Variants in GALNT8 observed in about 807,000 individuals in gnomAD.
GALNT8 encodes polypeptide N-acetylgalactosaminyltransferase 8.
Under a neutral mutation model 62.7 loss-of-function variants are expected in GALNT8, and 66 were observed. That is an observed-to-expected ratio of 1.05 (90% CI 0.86 to 1.29). The LOEUF (loss-of-function observed/expected upper bound fraction) is 1.29, where lower values mean the gene tolerates loss of function less well. Among genes scored for constraint, GALNT8 ranks in the 50% most tolerant of loss-of-function variants. GALNT8 has a pLI of 0.00. For missense variants in GALNT8, 771 were observed against 791.8 expected (o/e 0.97, Z 0.32); for synonymous variants, 288 against 294.3 (o/e 0.98, Z 0.22).
In GALNT8 at chr12:4,726,262, TAGTC is replaced by T. The variant is rs934413246; in HGVS notation, c.212-266_212-263del. The stretch of plus-strand genomic sequence containing the variant: ...TATTTTCCATCTGTTTCTCAGATCA[TAGTC>T]AGTTCTTCGAGGAGCTTTGAAGATG... On this transcript the variant is annotated intron_variant, in intron 1 of 10. Transcript: ENST00000252318. This position sits in a 1 kb window ranked among gnomAD's most constrained non-coding sequence, Gnocchi z 4.1. 1.3e-5 allele frequency among the ~76,000 whole-genome samples: 2 copies of T among 152,182 alleles called. No homozygotes were observed. Among genetic ancestry groups the T allele is most frequent in the Non-Finnish European group, 2.9e-5 (2 of 68,016 alleles).
At chr12:4,722,865 A>G (rs1187946969) in intron 1 of GALNT8, among the ~76,000 whole-genome samples, 1 of 152,118 alleles carries the variant, frequency 6.6e-6, no homozygotes, top group Non-Finnish European at 1.5e-5. Flanking sequence ...TCAGGGAAAG[A>G]GCGAGGAGAG....
At chr12:4,765,311 G>A (rs1442918173) in intron 9 of GALNT8, 68 bp from the exon 10 acceptor site, 21 of 1,399,446 alleles carry the variant, frequency 1.5e-5, no homozygotes, top group Admixed American at 2.8e-5. Context: ...CCTCGGGCTA[G>A]GGTCTCCTGC....
chr12:4,744,809 C>CT, intron 4 of GALNT8, 109 bp downstream of exon 4: 1 of 699,468 alleles, frequency 1.4e-6, no homozygotes, highest in Non-Finnish European at 2.3e-6. Context: ...AGCACCAGGC[C>CT]TTAAATAAAG....
At chr12:4,754,799 A>G (rs75630703) in intron 6 of GALNT8, among the ~76,000 whole-genome samples, 20,974 of 151,992 alleles carry the variant, frequency 0.14, 1,757 homozygotes, top group Non-Finnish European at 0.19. Context: ...AGGGCTCTTC[A>G]CCTAGCAGGT....
intron 10 of GALNT8, among the ~76,000 whole-genome samples, chr12:4,766,368 A>G (rs1946400025): frequency 6.6e-6 from 1 of 152,216 alleles, no homozygotes. Context: ...TATCTTCTGT[A>G]TGCGACTTTT....
intron 2 of GALNT8, among the ~76,000 whole-genome samples, chr12:4,734,445 C>T (rs78753668): frequency 0.04 from 6,090 of 152,242 alleles, 238 homozygotes; most frequent in East Asian, 0.2. Flanking sequence ...TTGCTAGAAT[C>T]TGAGAATTTT....
chr12:4,746,133 G>C lies in GALNT8; in HGVS notation c.1059-11G>C. ...TGGAGAGATTAGTGACTCTTGCTGT[G>C]TGCTCTGTAGGAGTCCTTCAATCAT... is the stretch of plus-strand genomic sequence containing the variant. On this transcript the variant is annotated splice_polypyrimidine_tract_variant and intron_variant, in intron 5 of 10. Transcript: ENST00000252318. The C allele has an allele frequency of 6.7e-7, 1 of 1,493,496 alleles. No homozygotes were observed. Among genetic ancestry groups the C allele is most frequent in the Non-Finnish European group, 9.3e-7 (1 of 1,069,910 alleles). 92.5% of individuals were successfully genotyped at this position (1,493,496 alleles called of 1,614,324 possible).
intron 10 of GALNT8, among the ~76,000 whole-genome samples, chr12:4,767,964 T>G (rs183544276): frequency 1.5e-3 from 234 of 152,296 alleles, no homozygotes; most frequent in Admixed American, 5.0e-3. Context: ...GCCTAACAAG[T>G]TTTGACAATC....
intron 2 of GALNT8, among the ~76,000 whole-genome samples, chr12:4,731,756 C>T (rs1239824388): frequency 1.3e-5 from 2 of 152,056 alleles, no homozygotes; most frequent in East Asian, 1.9e-4. Flanking sequence ...AGTTTTTGTC[C>T]TTCATTCTGT....
intron 1 of GALNT8, among the ~76,000 whole-genome samples, chr12:4,725,610 C>T (rs887215836): frequency 1.1e-4 from 15 of 137,718 alleles, no homozygotes; most frequent in Non-Finnish European, 3.0e-5. Context: ...GGCTGGAGTG[C>T]AGTGGCACAA....
intron 7 of GALNT8, among the ~76,000 whole-genome samples, chr12:4,761,710 C>T (rs150052057): frequency 2.6e-5 from 4 of 152,020 alleles, no homozygotes; most frequent in African/African-American, 9.7e-5. Context: ...AAGTGTTAGC[C>T]CCTGCACCCA....
rs762528896 is a variant in GALNT8 at position 4,726,581 on chromosome 12, A to G, written c.261A>G (p.Thr87=). Residue 87 remains threonine, a synonymous_variant, in exon 2 of 11, where the codon ACA becomes ACG. Coordinates refer to ENST00000252318, the MANE Select transcript of GALNT8 (RefSeq NM_017417.2). This position sits in a 1 kb window ranked among gnomAD's most constrained non-coding sequence, Gnocchi z 4.1. ...ALRQQENVNS[T]LKRAKDEVRP... The stretch of plus-strand genomic sequence containing the variant: ...GGCAACAAGAAAATGTGAACAGCAC[A>G]CTGAAGAGGGCGAAAGATGAAGTAC... The G allele has an allele frequency of 1.9e-6, 3 of 1,613,544 alleles. No individual in the cohort carries two copies. The African/African-American group carries it at 4.0e-5, about 22-fold the overall frequency.
rs1591573755 is a variant in GALNT8, at chr12:4,760,967, T to G, written c.1183T>G (p.Cys395Gly). ...TGGTCTTCTTCTGCAGGTGTGGCAG[T>G]GTGGAGGGAAGGTCGAGATTTTGCC... ...NVELSLRVWQ[C>G]GGKVEILPCS... Residue 395 changes from cysteine (C) to glycine (G), a missense_variant, in exon 7 of 11, where the codon TGT becomes GGT. Coordinates refer to ENST00000252318, the MANE Select transcript of GALNT8 (RefSeq NM_017417.2). The G allele has an allele frequency of 1.2e-6, 2 of 1,613,738 alleles. No individual in the cohort carries two copies. Among genetic ancestry groups the G allele is most frequent in the South Asian group, 2.2e-5 (2 of 91,026 alleles).
rs375495880 is a variant in GALNT8 at position 4,744,505 on chromosome 12, C to A, written c.677-12C>A. 5.0e-6 allele frequency: 8 copies of A among 1,588,608 alleles called. No individual in the cohort carries two copies. In the South Asian group the frequency reaches 6.8e-5, roughly 13 times the overall value. On this transcript the variant is annotated splice_polypyrimidine_tract_variant and intron_variant, in intron 3 of 10. Transcript: ENST00000252318. ...CACTCAGAATTTCTATAGGTGTGCACTTGATTGACAGGAGAACTAAAGGTA... is the reference window on the plus strand; with the variant it reads ...CACTCAGAATTTCTATAGGTGTGCAATTGATTGACAGGAGAACTAAAGGTA...
chr12:4,768,510 G>T, intron 10 of GALNT8: 4 of 349,066 alleles, frequency 1.1e-5, no homozygotes, highest in Non-Finnish European at 2.3e-5. Context: ...AGAAAATTTT[G>T]GATGATCGCC....
At position 4,749,645 on chromosome 12, in the gene GALNT8, G is replaced by T. The variant is rs190606292; in HGVS notation, c.1173+3387G>T. On this transcript the variant is annotated intron_variant, in intron 6 of 10. Transcript: ENST00000252318. The surrounding 1 kb of genome is among the most constrained non-coding windows in gnomAD (Gnocchi z 4.1). ...TCTTTTTTTTTTTTAACGTGTCTTT[G>T]TCTTGTTTTGGTAGCAGGGTAATAC... 5.3e-5 allele frequency among the ~76,000 whole-genome samples: 8 copies of T among 150,162 alleles called. No individual in the cohort carries two copies. The highest frequency in any genetic ancestry group is 2.0e-4 in the African/African-American group (8 of 40,934).
At chr12:4,770,298 T>A (rs1591576969) in intron 10 of GALNT8, among the ~76,000 whole-genome samples, 1 of 143,614 alleles carries the variant, frequency 7.0e-6, no homozygotes, top group African/African-American at 2.6e-5. Flanking sequence ...CGAGACTGTG[T>A]CTCAAAAGAA....
At chr12:4,740,478 C>T (rs1451551144) in intron 3 of GALNT8, among the ~76,000 whole-genome samples, 1 of 149,616 alleles carries the variant, frequency 6.7e-6, no homozygotes, top group South Asian at 2.1e-4. Flanking sequence ...GGCTGGAGTG[C>T]AGTGGTGGGA....
At chr12:4,750,114 C>T (rs1278660358) in intron 6 of GALNT8, among the ~76,000 whole-genome samples, 1 of 151,864 alleles carries the variant, frequency 6.6e-6, no homozygotes, top group Non-Finnish European at 1.5e-5. Flanking sequence ...CTTTTTGTTT[C>T]ATTGATTTTT....
Sources: allele counts gnomAD v4.1 joint callset (sites outside exome capture counted in the v4.1 genomes callset), GRCh38; gene constraint gnomAD v4.1.1; non-coding constraint Gnocchi (gnomAD v3.1); transcripts MANE v1.5; gene names NCBI Gene and HGNC (gene_info 2026-07-23, HGNC 2026-07-21).